The following TRHDE variants were observed in gnomAD, a reference collection of about 807,000 sequenced individuals.
TRHDE encodes thyrotropin releasing hormone degrading enzyme.
In TRHDE, 72 loss-of-function variants were observed where a neutral mutation model predicts 125.7. The observed-to-expected ratio is 0.57, with a 90% confidence interval of 0.47 to 0.70. The LOEUF is 0.70. TRHDE is among the 30% of genes least tolerant of loss of function. The probability of loss-of-function intolerance (pLI) is 0.00; values close to 1 mark genes in which losing one functional copy is unlikely to be tolerated. For missense variants in TRHDE, 1,110 were observed against 1,327.1 expected, an observed-to-expected ratio of 0.84 and a Z score of 2.54; for synonymous variants, 509 against 509.1, an observed-to-expected ratio of 1.00 and a Z score of 0.00.
intron 6 of TRHDE, among the ~76,000 whole-genome samples, chr12:72,530,907 G>C (rs1868520083): frequency 6.6e-6 from 1 of 151,854 alleles, no homozygotes; most frequent in South Asian, 2.1e-4. Context: ...AATATAAACT[G>C]CATGAAAGCT....
chr12:72,171,133 G>A (rs1357421300), intron 2 of TRHDE, among the ~76,000 whole-genome samples: 1 of 152,006 alleles, frequency 6.6e-6, no homozygotes, highest in Non-Finnish European at 1.5e-5. Context: ...ATTAACTTGT[G>A]CTCTTCTCTC....
Position 72,509,420 on chromosome 12 carries a change from T to G in TRHDE, c.1722+9785T>G, listed in dbSNP as rs527412598. Among the ~76,000 whole-genome samples the G allele has an allele frequency of 2.0e-5, 3 of 152,228 alleles. No homozygotes were observed. The East Asian group carries it at 5.8e-4, about 30-fold the overall frequency. ...ATCTATCTGAATTCTTCTCTATTAC[T>G]CTCCCTAAACTCATGGTGCTACTGT... On this transcript the variant is annotated intron_variant, in intron 6 of 18. Transcript: ENST00000261180.
At chr12:72,640,228 C>G (rs1048919679) in intron 15 of TRHDE, among the ~76,000 whole-genome samples, 2 of 152,210 alleles carry the variant, frequency 1.3e-5, no homozygotes, top group African/African-American at 2.4e-5. Flanking sequence ...TTAAGCCCGT[C>G]GGAAAAGCAC....
intron 2 of TRHDE, among the ~76,000 whole-genome samples, chr12:72,115,210 A>C (rs559516922): frequency 4.7e-5 from 7 of 149,296 alleles, no homozygotes; most frequent in African/African-American, 1.5e-4. Flanking sequence ...TGTAACCCTT[A>C]CCATTCCTTC....
chr12:72,438,048 G>C (rs567356905), intron 3 of TRHDE, among the ~76,000 whole-genome samples: 24 of 151,698 alleles, frequency 1.6e-4, no homozygotes, highest in African/African-American at 5.1e-4. Flanking sequence ...TGACTGACTG[G>C]GTTATTTCAC....
At chr12:72,446,490 TC>T (rs1875293015) in intron 3 of TRHDE, among the ~76,000 whole-genome samples, 1 of 151,922 alleles carries the variant, frequency 6.6e-6, no homozygotes, top group African/African-American at 2.4e-5. Context: ...AATGACAGGA[TC>T]AAATTCACAC....
chr12:72,357,765 G>A (rs182172305), intron 2 of TRHDE, among the ~76,000 whole-genome samples: 130 of 151,480 alleles, frequency 8.6e-4, no homozygotes, highest in African/African-American at 3.0e-3. Context: ...TGACGGCTAT[G>A]TTACTTTATT....
At chr12:72,546,051 A>G (rs1869400923) in intron 7 of TRHDE, among the ~76,000 whole-genome samples, 1 of 151,650 alleles carries the variant, frequency 6.6e-6, no homozygotes, top group South Asian at 2.1e-4. Flanking sequence ...TTCAGAGACA[A>G]GAAAAGCTAC....
intron 1 of TRHDE, among the ~76,000 whole-genome samples, chr12:72,099,743 T>G (rs769626598): frequency 7.2e-5 from 11 of 152,168 alleles, no homozygotes; most frequent in Non-Finnish European, 1.5e-4. Context: ...AGTGGAAAAA[T>G]CCACATTATC....
chr12:72,344,810 A>G (rs1870240294), intron 2 of TRHDE, among the ~76,000 whole-genome samples: 1 of 152,048 alleles, frequency 6.6e-6, no homozygotes. Context: ...GTCAAGCATC[A>G]TGAGGAACAC....
intron 2 of TRHDE, among the ~76,000 whole-genome samples, chr12:72,368,434 G>T (rs140790118): frequency 3.3e-5 from 5 of 152,158 alleles, no homozygotes; most frequent in African/African-American, 1.2e-4. Flanking sequence ...ATAGAACTTT[G>T]TATGTAATAA....
chr12:72,101,347 A>G (rs146788777), intron 1 of TRHDE, among the ~76,000 whole-genome samples: 8 of 152,352 alleles, frequency 5.3e-5, no homozygotes, highest in African/African-American at 1.9e-4. Flanking sequence ...GGAGAACAGC[A>G]TGAAAGGAAT....
At chr12:72,521,383 C>T (rs377248912) in intron 6 of TRHDE, among the ~76,000 whole-genome samples, 7 of 152,254 alleles carry the variant, frequency 4.6e-5, no homozygotes, top group African/African-American at 1.4e-4. Context: ...CTCAGAAAAG[C>T]GCTATGCCAA....
intron 2 of TRHDE, 36 bp downstream of exon 2, chr12:72,286,990 T>C (rs1325010742): frequency 6.3e-7 from 1 of 1,596,242 alleles, no homozygotes; most frequent in East Asian, 2.2e-5. Flanking sequence ...TTTTGGATAA[T>C]GTACACTCTG....
intron 15 of TRHDE, among the ~76,000 whole-genome samples, chr12:72,651,063 GTTTCC>G (rs1002166602): frequency 1.3e-5 from 2 of 152,088 alleles, no homozygotes; most frequent in African/African-American, 4.8e-5. Context: ...CTATGTCTGT[GTTTCC>G]TTTGTTTCAT....
chr12:72,505,339 G>T (rs1476824948), intron 6 of TRHDE, among the ~76,000 whole-genome samples: 3 of 152,158 alleles, frequency 2.0e-5, no homozygotes, highest in African/African-American at 7.2e-5. Flanking sequence ...AAAGTGTAAT[G>T]GAAGCAGGAA....
chr12:72,413,853 G>C (rs1341344705), intron 3 of TRHDE, among the ~76,000 whole-genome samples: 1 of 151,976 alleles, frequency 6.6e-6, no homozygotes. Flanking sequence ...ACGTAGCTAT[G>C]CCACTTTCAT....
At chr12:72,481,676 G>A (rs1016192792) in intron 5 of TRHDE, among the ~76,000 whole-genome samples, 3 of 151,116 alleles carry the variant, frequency 2.0e-5, no homozygotes, top group African/African-American at 4.9e-5. Flanking sequence ...GCTAGAACAT[G>A]TTTTGACACT....
At chr12:72,441,989 G>C (rs1469162709) in intron 3 of TRHDE, among the ~76,000 whole-genome samples, 1 of 151,782 alleles carries the variant, frequency 6.6e-6, no homozygotes, top group Non-Finnish European at 1.5e-5. Flanking sequence ...GAGTGGGGGT[G>C]TTAACTGAAG....
Sources: allele counts gnomAD v4.1 joint callset (sites outside exome capture counted in the v4.1 genomes callset), GRCh38; gene constraint gnomAD v4.1.1; transcripts MANE v1.5; gene names NCBI Gene and HGNC (gene_info 2026-07-23, HGNC 2026-07-21).